The following CASP14 variants were observed in gnomAD, a reference collection of about 807,000 sequenced individuals.
CASP14 encodes caspase 14, also known as caspase-14.
Under a neutral mutation model 28.4 loss-of-function variants are expected in CASP14, and 27 were observed. That is an observed-to-expected ratio of 0.95 (90% CI 0.70 to 1.31). CASP14 has a LOEUF of 1.31. Ranked by LOEUF, CASP14 falls within the 50% of genes most tolerant of loss-of-function variation. The pLI is 0.00. For missense variants in CASP14, 323 were observed against 312.8 expected (o/e 1.03, Z -0.25); for synonymous variants, 115 against 118.6 (o/e 0.97, Z 0.20).
At chr19:15,049,737 A>T (rs888232136) in intron 1 of CASP14, 92 bp downstream of exon 1, 2 of 151,432 alleles carry the variant, frequency 1.3e-5, no homozygotes, top group African/African-American at 4.9e-5. Flanking sequence ...ACACACGCAC[A>T]TACACACATA....
At chr19:15,051,522 G>C (rs76268459) in intron 1 of CASP14, among the ~76,000 whole-genome samples, 1 of 78,822 alleles carries the variant, frequency 1.3e-5, no homozygotes, top group Non-Finnish European at 2.9e-5. Context: ...AAAAAAAAAA[G>C]CAAAAAGCAT....
chr19:15,052,398 G>A (rs2046095314), intron 2 of CASP14, 120 bp downstream of exon 2: 9 of 1,040,370 alleles, frequency 8.7e-6, no homozygotes, highest in Non-Finnish European at 1.1e-5. Flanking sequence ...AGAGCTAGGA[G>A]GTACTTTGTA....
At chr19:15,055,137 C>T (rs773543672) in intron 4 of CASP14, 21 bp from the exon 5 acceptor site, 5 of 1,597,376 alleles carry the variant, frequency 3.1e-6, no homozygotes, top group Non-Finnish European at 4.3e-6. Context: ...ACTTTGCCTC[C>T]TCCTCTTCTT....
chr19:15,053,568 T>A lies in CASP14; in HGVS notation c.114T>A (p.Ala38=). Residue 38 remains alanine (A), a synonymous_variant, in exon 3 of 7, where the codon GCT becomes GCA. Transcript: ENST00000427043. ...AREGSEEDLD[A]LEHMFRQLRF... ...AAGGTTCCGAAGAAGACCTGGATGC[T>A]CTGGAACACATGTTTCGGCAGCTGA... 2 of 1,614,152 alleles carry A rather than the reference T, an allele frequency of 1.2e-6. No individual in the cohort carries two copies. Among genetic ancestry groups the A allele is most frequent in the Non-Finnish European group, 1.7e-6 (2 of 1,180,048 alleles).
At chr19:15,053,142 T>C (rs781039886) in intron 2 of CASP14, among the ~76,000 whole-genome samples, 1 of 152,158 alleles carries the variant, frequency 6.6e-6, no homozygotes. Flanking sequence ...AGGGTCTCAC[T>C]TATTGCCCAG....
intron 2 of CASP14, among the ~76,000 whole-genome samples, chr19:15,052,758 C>T (rs2046096562): frequency 6.6e-6 from 1 of 151,860 alleles, no homozygotes. Context: ...AGGAGACCTG[C>T]AAATCCACAA....
intron 6 of CASP14, among the ~76,000 whole-genome samples, chr19:15,055,754 T>C (rs1290115585): frequency 6.6e-6 from 1 of 152,200 alleles, no homozygotes; most frequent in African/African-American, 2.4e-5. Context: ...CAAATCCCCC[T>C]TGGATATAAA....
rs754109851 is a variant in CASP14, at chr19:15,053,801, CT to C, written c.248del (p.Phe83SerfsTer30). ...DSREDPVSCA[F>X]VVLMAHGREG... Reference sequence around the variant, plus strand: ...CCCGGGAAGATCCCGTCAGTTGTGCCTTCGTGGTACTCATGGCTCACGGGAG... The same window carrying C: ...CCCGGGAAGATCCCGTCAGTTGTGCCTCGTGGTACTCATGGCTCACGGGAG... On this transcript the variant is annotated frameshift_variant, in exon 4 of 7. Transcript: ENST00000427043. LOFTEE classifies it high-confidence loss of function. 2 of 1,614,120 alleles carry C rather than the reference CT, an allele frequency of 1.2e-6. No homozygotes were observed. The highest frequency in any genetic ancestry group is 1.3e-5 in the African/African-American group (1 of 75,022).
chr19:15,051,249 A>G (rs1218749289), intron 1 of CASP14, among the ~76,000 whole-genome samples: 1 of 151,580 alleles, frequency 6.6e-6, no homozygotes, highest in Admixed American at 6.6e-5. Flanking sequence ...CTATAATCCC[A>G]GCACTTTGGG....
At chr19:15,055,740 T>C (rs923453418) in intron 6 of CASP14, among the ~76,000 whole-genome samples, 2 of 152,218 alleles carry the variant, frequency 1.3e-5, no homozygotes, top group Non-Finnish European at 2.9e-5. Flanking sequence ...TAAATTTCTA[T>C]AAACAAATCC....
In CASP14 at chr19:15,056,420, A is replaced by G. The variant is rs556378928; in HGVS notation, c.*331A>G. 1.9e-4 allele frequency: 44 copies of G among 230,196 alleles called. No individual in the cohort carries two copies. In the South Asian group the frequency reaches 2.9e-3, roughly 15 times the overall value. The allele number at this position is 230,196 out of a possible 1,614,324, so 14.3% of individuals were successfully genotyped here. On this transcript the variant is annotated 3_prime_UTR_variant, in exon 7 of 7. Coordinates refer to ENST00000427043, the MANE Select transcript of CASP14 (RefSeq NM_012114.3). The stretch of plus-strand genomic sequence containing the variant: ...CTTTCTCCCATGAAGCAGAAACTGG[A>G]TAAAGCTCAAGATTTTCCATAGACA...
chr19:15,053,392 G>A (rs2046099827), intron 2 of CASP14, 90 bp from the exon 3 acceptor site: 2 of 1,521,836 alleles, frequency 1.3e-6, no homozygotes, highest in South Asian at 1.2e-5. Flanking sequence ...ACAGGCATGA[G>A]CCACCACACC....
Position 15,056,185 on chromosome 19 carries a change from C to A in CASP14, c.*96C>A. 2.0e-6 allele frequency: 2 copies of A among 1,019,340 alleles called. No homozygotes were observed. The highest frequency in any genetic ancestry group is 1.4e-5 in the South Asian group (1 of 70,856). 63.1% of individuals were successfully genotyped at this position (1,019,340 alleles called of 1,614,324 possible). On this transcript the variant is annotated 3_prime_UTR_variant, in exon 7 of 7. Coordinates refer to ENST00000427043, the MANE Select transcript of CASP14 (RefSeq NM_012114.3). ...TACCTCTCCCCAAGATCTTCTGTTC[C>A]CAAGGCCAAATGGCACCCAGTTTCT...
chr19:15,049,693 TCTCTCACACACACACACA>T lies in CASP14; in HGVS notation c.-47+50_-47+67del, dbSNP rs1464103591. On this transcript the variant is annotated intron_variant, in intron 1 of 6. Transcript: ENST00000427043. ...GCCTCTCTCTCTCTCTCTCTCTCTC[TCTCTCACACACACACACA>T]CACACACACACACACACACACGCAC... 5.4e-5 allele frequency: 6 copies of T among 112,086 alleles called. No homozygotes were observed. In the East Asian group the frequency reaches 1.3e-3, roughly 24 times the overall value. The allele number at this position is 112,086 out of a possible 1,614,324, so 6.9% of individuals were successfully genotyped here.
In CASP14 at chr19:15,056,196, T is replaced by A; in HGVS notation, c.*107T>A. ...AAGATCTTCTGTTCCCAAGGCCAAA[T>A]GGCACCCAGTTTCTTTTCCATCACA... On this transcript the variant is annotated 3_prime_UTR_variant, in exon 7 of 7. Transcript: ENST00000427043. 1 of 849,346 alleles carries A rather than the reference T, an allele frequency of 1.2e-6. No individual in the cohort carries two copies. The highest frequency in any genetic ancestry group is 1.9e-6 in the Non-Finnish European group (1 of 529,768). The allele number at this position is 849,346 out of a possible 1,614,324, so 52.6% of individuals were successfully genotyped here. A position where few individuals can be genotyped will look rare whatever the true frequency, so the allele number is the denominator to read the frequency against.
At chr19:15,053,333 C>A in intron 2 of CASP14, 149 bp from the exon 3 acceptor site, 1 of 928,838 alleles carries the variant, frequency 1.1e-6, no homozygotes, top group South Asian at 1.5e-5. Context: ...GTCTCGAACT[C>A]TTGGGCTCAA....
At chr19:15,051,735 G>A (rs940394465) in intron 1 of CASP14, among the ~76,000 whole-genome samples, 1 of 152,066 alleles carries the variant, frequency 6.6e-6, no homozygotes, top group Non-Finnish European at 1.5e-5. Context: ...TAATATCAAA[G>A]TTGCATTCCC....
intron 1 of CASP14, among the ~76,000 whole-genome samples, chr19:15,050,815 T>C (rs543567868): frequency 6.6e-6 from 1 of 151,778 alleles, no homozygotes; most frequent in Non-Finnish European, 1.5e-5. Flanking sequence ...GACGGATGAA[T>C]AGATGTGTGA....
chr19:15,053,308 A>T (rs375138372), intron 2 of CASP14, among the ~76,000 whole-genome samples, 174 bp from the exon 3 acceptor site: 11 of 152,044 alleles, frequency 7.2e-5, no homozygotes, highest in Non-Finnish European at 1.5e-4. Flanking sequence ...GAGTCTCACT[A>T]TGTTGCCCAG....
Sources: gnomAD v4.1 joint callset for allele counts (sites outside exome capture counted in the v4.1 genomes callset) on GRCh38, gnomAD v4.1.1 for gene constraint, MANE v1.5 for transcripts, NCBI Gene and HGNC (gene_info 2026-07-23, HGNC 2026-07-21) for gene names.